Variants in STPG2 observed in about 807,000 individuals in gnomAD.
STPG2 encodes the protein sperm-tail PG-rich repeat-containing protein 2.
Under a neutral mutation model 54.2 loss-of-function variants are expected in STPG2, and 56 were observed. The observed-to-expected ratio is 1.03, with a 90% CI of 0.83 to 1.29. The LOEUF is 1.29. STPG2 is among the 50% of genes most tolerant of loss of function. The pLI is 0.00. For synonymous variants in STPG2, 200 were observed against 181.8 expected (o/e 1.10, Z -0.81); for missense variants, 596 against 544.9 (o/e 1.09, Z -0.93).
At chr4:98,114,950 A>ATC (rs1739474698) in intron 3 of STPG2, among the ~76,000 whole-genome samples, 1 of 55,992 alleles carries the variant, frequency 1.8e-5, no homozygotes, top group African/African-American at 8.1e-5. Flanking sequence ...TTATCTCTAA[A>ATC]TTACAGTTTC....
At chr4:98,016,713 GCTTCTTTAA>G (rs1735957212) in intron 5 of STPG2, among the ~76,000 whole-genome samples, 1 of 152,022 alleles carries the variant, frequency 6.6e-6, no homozygotes, top group African/African-American at 2.4e-5. Context: ...AGCTCACTAA[GCTTCTTTAA>G]CACAATGGTT....
chr4:97,617,599 T>G (rs1031611170), intron 10 of STPG2, among the ~76,000 whole-genome samples: 25 of 152,194 alleles, frequency 1.6e-4, no homozygotes, highest in Admixed American at 1.4e-3. Context: ...ACCAAAATAT[T>G]TTTTGCACTC....
chr4:97,709,981 T>C (rs1375116407), intron 10 of STPG2, among the ~76,000 whole-genome samples: 2 of 151,950 alleles, frequency 1.3e-5, no homozygotes, highest in Admixed American at 6.6e-5. Context: ...AGGTGCCAGA[T>C]TCTGTGGGTG....
Position 97,612,968 on chromosome 4 carries a change from CATTT to C in STPG2, c.1321-53855_1321-53852del, listed in dbSNP as rs10608610. ...AGTTTACCAAGCCAATTTTAATAAA[CATTT>C]ATTTTTTAATAACTTTAAATTCACA... On this transcript the variant is annotated intron_variant, in intron 10 of 10. Transcript: ENST00000295268. 6.7e-3 allele frequency among the ~76,000 whole-genome samples: 1,015 copies of C among 151,984 alleles called. 5 individuals are homozygous for C. The highest frequency in any genetic ancestry group is 8.6e-3 in the African/African-American group (358 of 41,502).
chr4:97,557,282 T>C (rs1291392398), downstream of STPG2, among the ~76,000 whole-genome samples: 2 of 152,122 alleles, frequency 1.3e-5, no homozygotes, highest in East Asian at 3.9e-4. Flanking sequence ...ATTAAAGTTA[T>C]AAAGGAGGCC....
chr4:98,082,635 G>A (rs1193550042), intron 5 of STPG2, among the ~76,000 whole-genome samples: 8 of 151,410 alleles, frequency 5.3e-5, no homozygotes, highest in African/African-American at 1.9e-4. Context: ...TGTATTTTTA[G>A]TAGAGACGGG....
chr4:97,725,947 TCTGATCGTATTGGCA>T (rs938772821), intron 9 of STPG2, among the ~76,000 whole-genome samples: 1 of 151,870 alleles, frequency 6.6e-6, no homozygotes, highest in Non-Finnish European at 1.5e-5. Flanking sequence ...CAAAATGCCT[TCTGATCGTATTGGCA>T]TCAGCAAAAC....
rs895217496 is a variant in STPG2 at position 97,836,821 on chromosome 4, TTAA to T, written c.1204+3949_1204+3951del. Among the ~76,000 whole-genome samples, 15 of 150,024 alleles carry T rather than the reference TTAA, an allele frequency of 1.0e-4. No homozygotes were observed. In the East Asian group the frequency reaches 1.6e-3, roughly 16 times the overall value. ...TATCACAGCATATATTATTCATTAA[TTAA>T]TAATTAATATTAACAATATTTAATT... is the stretch of plus-strand genomic sequence containing the variant. On this transcript the variant is annotated intron_variant, in intron 9 of 10. Transcript: ENST00000295268.
intron 9 of STPG2, among the ~76,000 whole-genome samples, chr4:97,724,909 T>C (rs1019767502): frequency 1.3e-5 from 2 of 152,142 alleles, no homozygotes; most frequent in African/African-American, 4.8e-5. Flanking sequence ...CTTATGCAGG[T>C]CTTTATTCAA....
At chr4:97,477,975 G>T (rs941164345) in intron 4 of STPG2, among the ~76,000 whole-genome samples, 3 of 152,142 alleles carry the variant, frequency 2.0e-5, no homozygotes, top group Non-Finnish European at 4.4e-5. Flanking sequence ...CACAGGTAAG[G>T]CTTGTGAAGA....
intron 7 of STPG2, among the ~76,000 whole-genome samples, chr4:97,960,101 T>G (rs947672071): frequency 2.0e-5 from 3 of 152,236 alleles, no homozygotes; most frequent in Middle Eastern, 3.4e-3. Flanking sequence ...AAAATTCACA[T>G]GATCATCTCA....
chr4:98,008,620 A>C (rs13116691), intron 5 of STPG2, among the ~76,000 whole-genome samples: 59,527 of 151,164 alleles, frequency 0.39, 11,965 homozygotes, highest in Middle Eastern at 0.46. Flanking sequence ...ATAAAGAAAT[A>C]AAATTATAAC....
intron 8 of STPG2, among the ~76,000 whole-genome samples, chr4:97,871,255 A>T (rs1238106548): frequency 6.6e-6 from 1 of 151,170 alleles, no homozygotes; most frequent in African/African-American, 2.4e-5. Flanking sequence ...AATCACATAA[A>T]GCAAAAGAAA....
At chr4:97,568,503 T>A (rs1333336341) in intron 10 of STPG2, among the ~76,000 whole-genome samples, 2 of 151,998 alleles carry the variant, frequency 1.3e-5, no homozygotes, top group South Asian at 2.1e-4. Flanking sequence ...TCTCTCTCTC[T>A]CACACACACA....
intron 10 of STPG2, among the ~76,000 whole-genome samples, chr4:97,707,961 T>G (rs1724000811): frequency 6.6e-6 from 1 of 152,144 alleles, no homozygotes; most frequent in Non-Finnish European, 1.5e-5. Context: ...ATGGTAAAAT[T>G]TCTTAGATAA....
At chr4:97,836,062 G>A (rs1728622179) in intron 9 of STPG2, among the ~76,000 whole-genome samples, 1 of 151,950 alleles carries the variant, frequency 6.6e-6, no homozygotes, top group Non-Finnish European at 1.5e-5. Context: ...AACAACAAGG[G>A]ATTTCAAATA....
At chr4:97,563,892 G>GA (rs548196524) in intron 10 of STPG2, among the ~76,000 whole-genome samples, 69 of 152,236 alleles carry the variant, frequency 4.5e-4, no homozygotes, top group South Asian at 1.5e-3. Context: ...GTGTGGTGCT[G>GA]AAAAAAATAT....
intron 8 of STPG2, among the ~76,000 whole-genome samples, chr4:97,912,049 G>T (rs1454328288): frequency 1.3e-5 from 2 of 152,110 alleles, no homozygotes; most frequent in African/African-American, 4.8e-5. Context: ...GAGGGACCCA[G>T]GCGATTAGGG....
intron 10 of STPG2, among the ~76,000 whole-genome samples, chr4:97,661,341 C>T (rs1299302298): frequency 6.6e-6 from 1 of 152,118 alleles, no homozygotes; most frequent in African/African-American, 2.4e-5. Context: ...GAGCCCATTA[C>T]ATTATCAATA....
Sources: allele counts gnomAD v4.1 joint callset (sites outside exome capture counted in the v4.1 genomes callset), GRCh38; gene constraint gnomAD v4.1.1; transcripts MANE v1.5; gene names NCBI Gene and HGNC (gene_info 2026-07-23, HGNC 2026-07-21).